ADAMTSL1: variants seen among roughly 807,000 people sequenced by gnomAD.
The protein encoded by ADAMTSL1 is ADAMTS like 1, also known as ADAMTS-like protein 1.
A neutral mutation model predicts 201.8 loss-of-function variants in ADAMTSL1; 126 were observed. That is an observed-to-expected ratio of 0.62 (90% CI 0.54 to 0.72). The LOEUF (loss-of-function observed/expected upper bound fraction) is 0.72, where lower values mean the gene tolerates loss of function less well. Among genes scored for constraint, ADAMTSL1 ranks in the 30% least tolerant of loss-of-function variants. The pLI is 0.00. For missense variants in ADAMTSL1, 2,679 were observed against 2,277.8 expected (o/e 1.18, Z -3.59); for synonymous variants, 1,121 against 903.4 (o/e 1.24, Z -4.32).
intron 2 of ADAMTSL1, among the ~76,000 whole-genome samples, chr9:18,200,284 T>A (rs531625121): frequency 1.3e-3 from 190 of 151,910 alleles, no homozygotes; most frequent in Admixed American, 2.3e-3. Flanking sequence ...AAAAAAAAAA[T>A]TTGTACACAA....
At chr9:18,163,387 T>A (rs140286333) in intron 1 of ADAMTSL1, among the ~76,000 whole-genome samples, 196 of 152,138 alleles carry the variant, frequency 1.3e-3, no homozygotes, top group African/African-American at 4.2e-3. Flanking sequence ...TCTAAAGCAC[T>A]TGAATAGCCC....
intron 1 of ADAMTSL1, among the ~76,000 whole-genome samples, chr9:18,006,985 A>T (rs1819854197): frequency 6.6e-6 from 1 of 152,040 alleles, no homozygotes. Flanking sequence ...TTCATGGAAA[A>T]ATCGGGCTCA....
At chr9:18,567,369 G>A (rs1821980964) in intron 3 of ADAMTSL1, among the ~76,000 whole-genome samples, 1 of 152,148 alleles carries the variant, frequency 6.6e-6, no homozygotes. Context: ...AGGAGGCTGA[G>A]GCAGGAGAAT....
intron 1 of ADAMTSL1, among the ~76,000 whole-genome samples, chr9:18,099,483 G>A (rs13439966): frequency 6.8e-6 from 1 of 148,088 alleles, no homozygotes; most frequent in Non-Finnish European, 1.5e-5. Context: ...TTTAATTTCA[G>A]AAAATTTTAC....
intron 5 of ADAMTSL1, among the ~76,000 whole-genome samples, chr9:18,626,839 T>TTCTTTCTTTCTTTCCTTCTTTC (rs757449217): frequency 7.5e-6 from 1 of 133,260 alleles, no homozygotes; most frequent in African/African-American, 2.9e-5. Context: ...CTTACTTTCT[T>TTCTTTCTTTCTTTCCTTCTTTC]TTTCTTTCTT....
intron 7 of ADAMTSL1, among the ~76,000 whole-genome samples, chr9:18,653,619 G>GAA (rs10570129): frequency 2.2e-5 from 3 of 137,856 alleles, no homozygotes; most frequent in Non-Finnish European, 3.2e-5. Context: ...CTATGAAAAA[G>GAA]AAAAAAAAAA....
At chr9:18,890,472 G>C (rs1588319007) in intron 25 of ADAMTSL1, 2 of 455,668 alleles carry the variant, frequency 4.4e-6, no homozygotes. Flanking sequence ...GGGGGGATGT[G>C]GCTCAGCTCT....
intron 1 of ADAMTSL1, among the ~76,000 whole-genome samples, chr9:17,907,980 A>G (rs1825789356): frequency 1.3e-5 from 2 of 152,144 alleles, no homozygotes; most frequent in Non-Finnish European, 2.9e-5. Context: ...ACTTGTCCAA[A>G]TAGGGGGATT....
At chr9:18,863,910 A>C (rs1247954943) in intron 23 of ADAMTSL1, among the ~76,000 whole-genome samples, 1 of 152,240 alleles carries the variant, frequency 6.6e-6, no homozygotes, top group Non-Finnish European at 1.5e-5. Context: ...AAGGACTCCC[A>C]GACTGACTAC....
At chr9:18,877,305 GT>G (rs1181602740) in intron 23 of ADAMTSL1, among the ~76,000 whole-genome samples, 2 of 152,094 alleles carry the variant, frequency 1.3e-5, no homozygotes, top group Non-Finnish European at 2.9e-5. Flanking sequence ...TTTTGGGAGT[GT>G]TTTGTCATAA....
At chr9:18,644,573 T>C (rs1437006504) in intron 7 of ADAMTSL1, among the ~76,000 whole-genome samples, 1 of 150,836 alleles carries the variant, frequency 6.6e-6, no homozygotes, top group Non-Finnish European at 1.5e-5. Flanking sequence ...GAGTGTGATG[T>C]TCCCCTTCCT....
chr9:18,456,116 A>G (rs1356584093), intron 2 of ADAMTSL1, among the ~76,000 whole-genome samples: 2 of 152,262 alleles, frequency 1.3e-5, no homozygotes, highest in Admixed American at 1.3e-4. Context: ...AAGTGATTCC[A>G]GTTTGGCTAT....
At chr9:18,179,160 C>G (rs1828328057) in intron 2 of ADAMTSL1, among the ~76,000 whole-genome samples, 1 of 151,986 alleles carries the variant, frequency 6.6e-6, no homozygotes, top group Admixed American at 6.6e-5. Flanking sequence ...ACTAGAATAA[C>G]CAATACAGAG....
At chr9:18,555,228 T>C (rs1409148869) in intron 3 of ADAMTSL1, among the ~76,000 whole-genome samples, 1 of 151,882 alleles carries the variant, frequency 6.6e-6, no homozygotes, top group Admixed American at 6.6e-5. Context: ...TGTTCCCTGC[T>C]TATAAAGACT....
intron 2 of ADAMTSL1, among the ~76,000 whole-genome samples, chr9:18,312,048 A>G (rs1231791034): frequency 6.6e-6 from 1 of 152,208 alleles, no homozygotes; most frequent in Non-Finnish European, 1.5e-5. Context: ...CTTACATCCT[A>G]GTAGAATGAG....
intron 1 of ADAMTSL1, among the ~76,000 whole-genome samples, chr9:18,079,301 A>G (rs893534649): frequency 6.6e-6 from 1 of 152,216 alleles, no homozygotes; most frequent in Non-Finnish European, 1.5e-5. Context: ...ACCACTTCAC[A>G]TTGGGATTTC....
intron 4 of ADAMTSL1, among the ~76,000 whole-genome samples, chr9:18,619,837 C>T (rs746483615): frequency 6.6e-6 from 1 of 151,992 alleles, no homozygotes; most frequent in African/African-American, 2.4e-5. Context: ...ATTCCTGTGC[C>T]CAATGCCTGC....
At chr9:18,271,511 T>C (rs1223696401) in intron 2 of ADAMTSL1, among the ~76,000 whole-genome samples, 1 of 152,168 alleles carries the variant, frequency 6.6e-6, no homozygotes, top group Admixed American at 6.5e-5. Flanking sequence ...GAACTCATCA[T>C]TTTTTATGGC....
chr9:18,179,456 G>C (rs969152120), intron 2 of ADAMTSL1, among the ~76,000 whole-genome samples: 4 of 152,154 alleles, frequency 2.6e-5, no homozygotes, highest in Non-Finnish European at 5.9e-5. Context: ...CACTCTGCAG[G>C]ATATTATCCA....
Sources: gnomAD v4.1 joint callset for allele counts (sites outside exome capture counted in the v4.1 genomes callset) on GRCh38, gnomAD v4.1.1 for gene constraint, MANE v1.5 for transcripts, NCBI Gene and HGNC (gene_info 2026-07-23, HGNC 2026-07-21) for gene names.